CNTNAP2: variants seen among roughly 807,000 people sequenced by gnomAD.
The protein encoded by CNTNAP2 is contactin associated protein 2.
Under a neutral mutation model 155.2 loss-of-function variants are expected in CNTNAP2, and 98 were observed. The ratio of observed to expected loss-of-function variants is 0.63; its 90% CI spans 0.54 to 0.75. The LOEUF (loss-of-function observed/expected upper bound fraction) is 0.75, where lower values mean the gene tolerates loss of function less well. Among genes scored for constraint, CNTNAP2 ranks in the 30% least tolerant of loss-of-function variants. The pLI is 0.00. For synonymous variants in CNTNAP2, 651 were observed against 631.2 expected (o/e 1.03, Z -0.47); for missense variants, 1,727 against 1,688.1 (o/e 1.02, Z -0.40).
intron 1 of CNTNAP2, among the ~76,000 whole-genome samples, chr7:146,609,268 A>G (rs1799096506): frequency 6.6e-6 from 1 of 152,144 alleles, no homozygotes; most frequent in South Asian, 2.1e-4. Context: ...TGTAGTGAGC[A>G]TTATCGGTAT....
intron 1 of CNTNAP2, among the ~76,000 whole-genome samples, chr7:146,138,067 C>A (rs139033704): frequency 1.3e-3 from 195 of 151,862 alleles, no homozygotes; most frequent in Non-Finnish European, 2.6e-3. Context: ...GAGGCTAAAG[C>A]CAGATATGTG....
intron 21 of CNTNAP2, among the ~76,000 whole-genome samples, chr7:148,314,785 G>A (rs543670000): frequency 2.0e-5 from 3 of 152,138 alleles, no homozygotes; most frequent in South Asian, 2.1e-4. Context: ...AGGCGTCCCC[G>A]TGTGGTCAGA....
chr7:146,286,081 T>C (rs1354343667), intron 1 of CNTNAP2, among the ~76,000 whole-genome samples: 2 of 137,776 alleles, frequency 1.5e-5, no homozygotes, highest in South Asian at 5.1e-4. Context: ...GCAGTTGGTT[T>C]ATAGGGGGGA....
chr7:146,267,468 T>C (rs1800014344), intron 1 of CNTNAP2, among the ~76,000 whole-genome samples: 1 of 152,204 alleles, frequency 6.6e-6, no homozygotes, highest in African/African-American at 2.4e-5. Context: ...ACCATTGCTA[T>C]GGACTGAATG....
At chr7:147,216,514 A>T (rs1052605668) in intron 8 of CNTNAP2, among the ~76,000 whole-genome samples, 2 of 151,982 alleles carry the variant, frequency 1.3e-5, no homozygotes, top group African/African-American at 4.8e-5. Context: ...GTTATGTTCC[A>T]TTTATCTATT....
At chr7:147,130,503 G>T (rs887273443) in intron 7 of CNTNAP2, among the ~76,000 whole-genome samples, 1 of 152,058 alleles carries the variant, frequency 6.6e-6, no homozygotes, top group Admixed American at 6.6e-5. Context: ...ATGTGAGTTT[G>T]ATTATGCTCT....
intron 3 of CNTNAP2, among the ~76,000 whole-genome samples, chr7:146,842,404 C>G (rs1326554100): frequency 6.6e-6 from 1 of 151,978 alleles, no homozygotes; most frequent in Admixed American, 6.6e-5. Context: ...AATCAGTATG[C>G]TACGTGATGA....
intron 5 of CNTNAP2, among the ~76,000 whole-genome samples, chr7:147,108,992 G>A (rs1397024393): frequency 2.6e-5 from 4 of 152,204 alleles, no homozygotes; most frequent in Non-Finnish European, 4.4e-5. Context: ...TGAAGTCCAA[G>A]AGGTGGAAAT....
intron 3 of CNTNAP2, among the ~76,000 whole-genome samples, chr7:146,880,579 G>T (rs1795525081): frequency 6.6e-6 from 1 of 152,040 alleles, no homozygotes; most frequent in Admixed American, 6.6e-5. Context: ...GAACCCAGAG[G>T]CCACAGATGG....
At chr7:146,142,664 C>T (rs369300157) in intron 1 of CNTNAP2, among the ~76,000 whole-genome samples, 4 of 152,134 alleles carry the variant, frequency 2.6e-5, no homozygotes, top group East Asian at 1.9e-4. Context: ...TACATGATTA[C>T]GATCTATGTA....
At chr7:147,595,537 T>A (rs952588670) in intron 12 of CNTNAP2, among the ~76,000 whole-genome samples, 1 of 152,236 alleles carries the variant, frequency 6.6e-6, no homozygotes, top group Non-Finnish European at 1.5e-5. Flanking sequence ...TCCCTACTGA[T>A]GTACATCATC....
At chr7:147,184,052 C>T (rs1802517605) in intron 8 of CNTNAP2, among the ~76,000 whole-genome samples, 1 of 152,036 alleles carries the variant, frequency 6.6e-6, no homozygotes, top group African/African-American at 2.4e-5. Context: ...TATTTAATTA[C>T]CCATTAAAAA....
At chr7:148,208,695 A>C (rs1795494859) in intron 18 of CNTNAP2, among the ~76,000 whole-genome samples, 1 of 152,192 alleles carries the variant, frequency 6.6e-6, no homozygotes, top group Non-Finnish European at 1.5e-5. Flanking sequence ...TCAGGCCAAA[A>C]TCAATGATTA....
chr7:146,540,853 C>T (rs4526284), intron 1 of CNTNAP2, among the ~76,000 whole-genome samples: 10 of 152,012 alleles, frequency 6.6e-5, no homozygotes, highest in East Asian at 1.9e-4. Flanking sequence ...TTACAGAATG[C>T]GTGTTTCATT....
At chr7:148,031,964 G>T (rs1346467960) in intron 15 of CNTNAP2, among the ~76,000 whole-genome samples, 1 of 152,072 alleles carries the variant, frequency 6.6e-6, no homozygotes, top group Non-Finnish European at 1.5e-5. Context: ...TCACTGCCAG[G>T]TCTCCAGGGT....
At chr7:146,191,568 G>A (rs1234437021) in intron 1 of CNTNAP2, among the ~76,000 whole-genome samples, 3 of 152,204 alleles carry the variant, frequency 2.0e-5, no homozygotes, top group African/African-American at 7.2e-5. Flanking sequence ...GAGTGCTACG[G>A]GAGACCAGGG....
intron 16 of CNTNAP2, among the ~76,000 whole-genome samples, chr7:148,144,660 C>T (rs895274586): frequency 6.6e-6 from 1 of 152,166 alleles, no homozygotes; most frequent in Non-Finnish European, 1.5e-5. Flanking sequence ...TCATGTTTGG[C>T]ACAGTGTTCT....
chr7:146,178,851 G>T (rs1798509561), intron 1 of CNTNAP2, among the ~76,000 whole-genome samples: 1 of 152,096 alleles, frequency 6.6e-6, no homozygotes, highest in African/African-American at 2.4e-5. Flanking sequence ...TAGATCAAAG[G>T]CCTGAGATAA....
intron 2 of CNTNAP2, among the ~76,000 whole-genome samples, chr7:146,807,461 T>A (rs1326106956): frequency 6.6e-6 from 1 of 152,204 alleles, no homozygotes; most frequent in East Asian, 1.9e-4. Flanking sequence ...ACTTTTGGGG[T>A]GATGAGAGCA....
Sources: allele counts gnomAD v4.1 joint callset (sites outside exome capture counted in the v4.1 genomes callset), GRCh38; gene constraint gnomAD v4.1.1; transcripts MANE v1.5; gene names NCBI Gene and HGNC (gene_info 2026-07-23, HGNC 2026-07-21).